The following PAK3 variants were observed in gnomAD, a reference collection of about 807,000 sequenced individuals.
PAK3 encodes serine/threonine-protein kinase PAK 3.
In PAK3, 4 loss-of-function variants were observed where a neutral mutation model predicts 41.0. The observed-to-expected ratio is 0.10, with a 90% CI of 0.05 to 0.22. The LOEUF (loss-of-function observed/expected upper bound fraction) is 0.22. Ranked by LOEUF, PAK3 falls within the 10% of genes least tolerant of loss-of-function variation. PAK3 has a pLI of 1.00. For missense variants in PAK3, 205 were observed against 409.9 expected, an observed-to-expected ratio of 0.50 and a Z score of 4.32; for synonymous variants, 146 against 139.6, an observed-to-expected ratio of 1.05 and a Z score of -0.32.
At chrX:111,077,747 G>T (rs2092798946) in intron 1 of PAK3, among the ~76,000 whole-genome samples, 1 of 111,627 alleles carries the variant, frequency 9.0e-6, no homozygotes, top group African/African-American at 3.3e-5. Context: ...ACATTGATCT[G>T]GGCAATGATA....
intron 4 of PAK3, among the ~76,000 whole-genome samples, chrX:111,110,742 A>G (rs2093356209): frequency 8.9e-6 from 1 of 111,868 alleles, no homozygotes; most frequent in Admixed American, 9.4e-5. Context: ...TTCTTAAAAC[A>G]TACGGAGACA....
chrX:111,079,521 T>C (rs1406832589), intron 1 of PAK3, among the ~76,000 whole-genome samples: 2 of 112,142 alleles, frequency 1.8e-5, no homozygotes, highest in African/African-American at 3.2e-5. Flanking sequence ...TTTCAACATA[T>C]TACTGTTTGC....
intron 3 of PAK3, among the ~76,000 whole-genome samples, chrX:111,099,305 A>C (rs1186336431): frequency 8.9e-6 from 1 of 112,005 alleles, no homozygotes; most frequent in East Asian, 2.8e-4. Context: ...AATCAGTGCA[A>C]TAGATCTGTG....
In PAK3 at chrX:111,057,854, A is replaced by G. The variant is rs374482033; in HGVS notation, c.-27-65223A>G. ...TCCCCGCTCTCCCCTACTCCTGGTC[A>G]CCAGCAACCACTAATTTACTTTCTG... On this transcript the variant is annotated intron_variant, in intron 1 of 14. Transcript: ENST00000425146. 4.5e-5 allele frequency among the ~76,000 whole-genome samples: 5 copies of G among 111,763 alleles called. No individual in the cohort carries two copies. The East Asian group carries it at 1.1e-3, about 25-fold the overall frequency.
At chrX:111,023,261 T>C (rs1381578840) in intron 1 of PAK3, among the ~76,000 whole-genome samples, 2 of 112,158 alleles carry the variant, frequency 1.8e-5, no homozygotes, top group Admixed American at 9.4e-5. Flanking sequence ...ATGGTGTATA[T>C]GTACCACATT....
intron 1 of PAK3, among the ~76,000 whole-genome samples, chrX:111,010,494 T>C (rs887488161): frequency 9.0e-6 from 1 of 111,401 alleles, no homozygotes; most frequent in Non-Finnish European, 1.9e-5. Context: ...GGAGGTGGGG[T>C]CTTATGGGAG....
At chrX:111,120,212 G>T (rs2093545100) in intron 4 of PAK3, among the ~76,000 whole-genome samples, 1 of 112,203 alleles carries the variant, frequency 8.9e-6, no homozygotes, top group Non-Finnish European at 1.9e-5. Flanking sequence ...CACATAAGCT[G>T]AGTCCTTTGC....
At chrX:111,146,651 G>A (rs1415828194) in intron 6 of PAK3, 4 of 505,954 alleles carry the variant, frequency 7.9e-6, no homozygotes, top group South Asian at 1.0e-4. Context: ...TGTGTGTGCA[G>A]TAGAGTTGTT....
intron 8 of PAK3, among the ~76,000 whole-genome samples, chrX:111,158,898 T>C (rs758602299): frequency 4.5e-5 from 5 of 111,413 alleles, no homozygotes; most frequent in Non-Finnish European, 9.4e-5. Flanking sequence ...CTTGCCCCAG[T>C]AGGCAGACTG....
intron 10 of PAK3, among the ~76,000 whole-genome samples, chrX:111,170,355 C>G (rs1015222650): frequency 1.0e-4 from 11 of 108,685 alleles, no homozygotes; most frequent in Non-Finnish European, 1.9e-4. Context: ...TAAAAGTGAA[C>G]TTTCATTAAA....
At chrX:111,036,327 C>T (rs2092398878) in intron 1 of PAK3, among the ~76,000 whole-genome samples, 1 of 112,366 alleles carries the variant, frequency 8.9e-6, no homozygotes, top group South Asian at 3.7e-4. Context: ...TTGTATTAGT[C>T]CATTCTCGTG....
At chrX:111,189,766 T>C (rs1300070364) in intron 11 of PAK3, among the ~76,000 whole-genome samples, 1 of 111,796 alleles carries the variant, frequency 8.9e-6, no homozygotes, top group Non-Finnish European at 1.9e-5. Context: ...TTTAAGTAGT[T>C]TCTCAGGACT....
intron 1 of PAK3, among the ~76,000 whole-genome samples, chrX:111,009,806 T>C (rs2091986232): frequency 1.8e-5 from 2 of 112,163 alleles, no homozygotes; most frequent in African/African-American, 6.5e-5. Context: ...TCATGAGTTA[T>C]CTCATAAATG....
At position 111,080,228 on chromosome X, in the gene PAK3, C is replaced by T. The variant is rs529650082; in HGVS notation, c.-27-42849C>T. Among the ~76,000 whole-genome samples the T allele has an allele frequency of 7.2e-5, 8 of 111,595 alleles. No homozygotes were observed. In the South Asian group the frequency reaches 3.1e-3, roughly 43 times the overall value. On this transcript the variant is annotated intron_variant, in intron 1 of 14. Transcript: ENST00000425146. ...CATCTCATGCTACAGAGAAATCTTTCACGAAAGGAAGAGCCCATTGATGTG... is the reference window on the plus strand; with the variant it reads ...CATCTCATGCTACAGAGAAATCTTTTACGAAAGGAAGAGCCCATTGATGTG...
chrX:111,140,494 A>G (rs922976181), intron 5 of PAK3, among the ~76,000 whole-genome samples: 2 of 111,855 alleles, frequency 1.8e-5, no homozygotes, highest in African/African-American at 6.5e-5. Flanking sequence ...TGGTAGTTGA[A>G]CAAGTATAAA....
chrX:111,210,425 C>T (rs1603394888), intron 16 of PAK3, among the ~76,000 whole-genome samples: 1 of 111,406 alleles, frequency 9.0e-6, no homozygotes, highest in Middle Eastern at 4.6e-3. Flanking sequence ...ACTATTCATA[C>T]AGCTCTCTTC....
At chrX:111,114,711 T>C (rs750427349) in intron 4 of PAK3, among the ~76,000 whole-genome samples, 69 of 111,510 alleles carry the variant, frequency 6.2e-4, no homozygotes, top group African/African-American at 2.2e-3. Flanking sequence ...ACGTAGAGGA[T>C]TTGTCAGGCT....
chrX:110,954,893 A>C (rs2090822721), intron 1 of PAK3, among the ~76,000 whole-genome samples: 1 of 111,285 alleles, frequency 9.0e-6, no homozygotes, highest in African/African-American at 3.3e-5. Flanking sequence ...AAGGGTATAG[A>C]GGACCTCTGG....
At chrX:110,967,543 G>T (rs1370995830) in intron 1 of PAK3, among the ~76,000 whole-genome samples, 1 of 111,467 alleles carries the variant, frequency 9.0e-6, no homozygotes. Context: ...GAAGAGAGCA[G>T]TGGGAAGCCT....
Sources: gnomAD v4.1 joint callset for allele counts (sites outside exome capture counted in the v4.1 genomes callset) on GRCh38, gnomAD v4.1.1 for gene constraint, MANE v1.5 for transcripts, NCBI Gene and HGNC (gene_info 2026-07-23, HGNC 2026-07-21) for gene names.